FBXL4: variants seen among roughly 807,000 people sequenced by gnomAD.
FBXL4 encodes F-box/LRR-repeat protein 4.
FBXL4 carries 40 observed loss-of-function variants against 58.9 expected under a neutral mutation model. That is an observed-to-expected ratio of 0.68 (90% CI 0.53 to 0.88). The LOEUF is 0.88. Among genes scored for constraint, FBXL4 ranks in the 40% least tolerant of loss-of-function variants. FBXL4 has a pLI of 0.00. For synonymous variants in FBXL4, 263 were observed against 265.5 expected (o/e 0.99, Z 0.09); for missense variants, 676 against 734.4 (o/e 0.92, Z 0.92).
intron 7 of FBXL4, among the ~76,000 whole-genome samples, chr6:98,892,565 G>A (rs749362522): frequency 2.0e-5 from 3 of 152,072 alleles, no homozygotes; most frequent in Admixed American, 6.6e-5. Context: ...AAACAAATTC[G>A]TAGCACTAAA....
At chr6:98,929,725 AT>A (rs1772939298) in intron 2 of FBXL4, among the ~76,000 whole-genome samples, 1 of 152,214 alleles carries the variant, frequency 6.6e-6, no homozygotes, top group Non-Finnish European at 1.5e-5. Flanking sequence ...CAGAGACGTT[AT>A]TTAAAGACAC....
In FBXL4 at chr6:98,872,978, C is replaced by G. The variant is rs1770532700; in HGVS notation, c.*1300G>C. Reference sequence around the variant, plus strand: ...TGCCAGGCACAAAGGAAGCATTCTCCTCATGTGACTACTGAACACTTGACA... The same window carrying G: ...TGCCAGGCACAAAGGAAGCATTCTCGTCATGTGACTACTGAACACTTGACA... On this transcript the variant is annotated 3_prime_UTR_variant, in exon 10 of 10. Coordinates refer to ENST00000369244, the MANE Select transcript of FBXL4 (RefSeq NM_001278716.2). The G allele has an allele frequency of 6.6e-6, 1 of 152,092 alleles. No individual in the cohort carries two copies. 9.4% of individuals were successfully genotyped at this position (152,092 alleles called of 1,614,324 possible). A position where few individuals can be genotyped will look rare whatever the true frequency, so the allele number is the denominator to read the frequency against.
rs566118332 is a variant in FBXL4 at position 98,901,645 on chromosome 6, T to C, written c.1104-2164A>G. The stretch of plus-strand genomic sequence containing the variant: ...TTATTTAATATCCTCATATTATCTC[T>C]ACTTAAATTTTCAAAATGTATACTA... On this transcript the variant is annotated intron_variant, in intron 6 of 9. Coordinates refer to ENST00000369244, the MANE Select transcript of FBXL4 (RefSeq NM_001278716.2). Among the ~76,000 whole-genome samples the C allele has an allele frequency of 1.4e-4, 21 of 152,270 alleles. No homozygotes were observed. In the South Asian group the frequency reaches 3.1e-3, roughly 23 times the overall value.
At chr6:98,883,213 T>C (rs1181795827) in intron 7 of FBXL4, among the ~76,000 whole-genome samples, 1 of 152,060 alleles carries the variant, frequency 6.6e-6, no homozygotes, top group African/African-American at 2.4e-5. Context: ...CATTGGCCAT[T>C]CATATTTCCT....
At chr6:98,916,814 A>G in intron 5 of FBXL4, among the ~76,000 whole-genome samples, 1 of 145,926 alleles carries the variant, frequency 6.9e-6, no homozygotes, top group South Asian at 2.3e-4. Context: ...AACTTAAAGT[A>G]TAATTAAAAA....
chr6:98,947,476 T>C (rs772106360), intron 1 of FBXL4, among the ~76,000 whole-genome samples: 1 of 152,196 alleles, frequency 6.6e-6, no homozygotes. Flanking sequence ...AGCGCGGGTG[T>C]GGGGCGACCC....
At chr6:98,941,046 C>T (rs1773413157) in intron 1 of FBXL4, among the ~76,000 whole-genome samples, 1 of 152,116 alleles carries the variant, frequency 6.6e-6, no homozygotes, top group African/African-American at 2.4e-5. Flanking sequence ...CTTACCAAAC[C>T]ATCCAGCAAT....
At chr6:98,881,882 A>G (rs907432654) in intron 7 of FBXL4, among the ~76,000 whole-genome samples, 1 of 152,034 alleles carries the variant, frequency 6.6e-6, no homozygotes, top group African/African-American at 2.4e-5. Flanking sequence ...GTTCTTCACA[A>G]TACTTAGCCA....
At chr6:98,946,253 C>A (rs1223243707) in intron 1 of FBXL4, among the ~76,000 whole-genome samples, 1 of 152,106 alleles carries the variant, frequency 6.6e-6, no homozygotes, top group Non-Finnish European at 1.5e-5. Flanking sequence ...TAGGACTGAT[C>A]AGCAGGGAAA....
chr6:98,877,223 T>A (rs1471164936), intron 8 of FBXL4, among the ~76,000 whole-genome samples: 1 of 152,126 alleles, frequency 6.6e-6, no homozygotes, highest in Admixed American at 6.6e-5. Context: ...CGGAAGTCTA[T>A]GAGAAACAGG....
intron 8 of FBXL4, among the ~76,000 whole-genome samples, chr6:98,876,178 G>A (rs1378565720): frequency 1.3e-5 from 2 of 152,152 alleles, no homozygotes; most frequent in Admixed American, 6.5e-5. Context: ...ATGTGGAAAT[G>A]CTGATAATAC....
chr6:98,875,630 C>T lies in FBXL4; in HGVS notation c.1487G>A (p.Gly496Glu), dbSNP rs1770633910. Residue 496 changes from glycine to glutamate, a missense_variant, in exon 9 of 10, where the codon GGA becomes GAA. Gly to Glu is a moderately conservative substitution (Grantham distance 98). Transcript: ENST00000369244. Reference protein sequence around the residue: ...LWRCKNITENGIAELASGCPL... With the variant: ...LWRCKNITENEIAELASGCPL... ...ACACCCAGAAGCCAGTTCTGCTATT[C>T]CATTCTCAGTAATATTCTTACATCT... 4 of 1,614,004 alleles carry T rather than the reference C, an allele frequency of 2.5e-6. No individual in the cohort carries two copies. The highest frequency in any genetic ancestry group is 2.5e-6 in the Non-Finnish European group (3 of 1,180,024).
chr6:98,922,354 C>T (rs1300916525), intron 4 of FBXL4, among the ~76,000 whole-genome samples: 2 of 152,194 alleles, frequency 1.3e-5, no homozygotes, highest in African/African-American at 4.8e-5. Flanking sequence ...TAGGAAAAGA[C>T]TGGTTTTAAA....
At chr6:98,921,757 C>T (rs1772591249) in intron 4 of FBXL4, among the ~76,000 whole-genome samples, 1 of 151,992 alleles carries the variant, frequency 6.6e-6, no homozygotes, top group Non-Finnish European at 1.5e-5. Context: ...TCCCTGCTTT[C>T]TTAATTTCAA....
chr6:98,927,278 CTATAT>C (rs1430812630), intron 3 of FBXL4, among the ~76,000 whole-genome samples: 3 of 151,946 alleles, frequency 2.0e-5, no homozygotes, highest in Non-Finnish European at 4.4e-5. Context: ...GGAAGCAAAA[CTATAT>C]TATAAGGCAA....
intron 6 of FBXL4, among the ~76,000 whole-genome samples, chr6:98,900,909 A>AC (rs1771585855): frequency 6.6e-6 from 1 of 151,680 alleles, no homozygotes. Flanking sequence ...ATCTCCTCCA[A>AC]CCCCTCTCAC....
Position 98,917,477 on chromosome 6 carries a change from G to A in FBXL4, c.755C>T (p.Ala252Val), listed in dbSNP as rs750971078. The A allele has an allele frequency of 3.1e-6, 5 of 1,614,020 alleles. No individual in the cohort carries two copies. The highest frequency in any genetic ancestry group is 4.2e-6 in the Non-Finnish European group (5 of 1,179,944). Residue 252 changes from alanine (A) to valine (V), a missense_variant, in exon 5 of 10, where the codon GCA (alanine) becomes GTA (valine). Transcript: ENST00000369244. ...GTCCATTCCACAACCATCCTTTTCT[G>A]CATAGGCATCATCTTCTATATCATT... ...DMNDIEDDAY[A>V]EKDGCGMDSL... is the part of the protein sequence containing the mutation.
chr6:98,905,583 C>A lies in FBXL4; in HGVS notation c.946G>T (p.Asp316Tyr), dbSNP rs754658764. 6.2e-7 allele frequency: 1 copy of A among 1,613,942 alleles called. No individual in the cohort carries two copies. The highest frequency in any genetic ancestry group is 1.1e-5 in the South Asian group (1 of 91,076). Residue 316 changes from aspartate to tyrosine, a missense_variant, in exon 6 of 10, where the codon GAT (aspartate) becomes TAT (tyrosine). By Grantham distance (160) the Asp-to-Tyr change is radical. Transcript: ENST00000369244. ...TCKLLSQHCCDPLQYIHLNLQ... is the reference protein window; with the variant it reads ...TCKLLSQHCCYPLQYIHLNLQ... ...TTGAGGTGGATGTATTGCAGAGGATCACAGCAATGCTGGCTCAGTAGTTTG... is the reference window on the plus strand; with the variant it reads ...TTGAGGTGGATGTATTGCAGAGGATAACAGCAATGCTGGCTCAGTAGTTTG...
At chr6:98,912,744 G>A (rs377475391) in intron 5 of FBXL4, among the ~76,000 whole-genome samples, 7 of 151,932 alleles carry the variant, frequency 4.6e-5, no homozygotes, top group African/African-American at 1.2e-4. Flanking sequence ...AAAGACCATC[G>A]AGAATAGGAA....
Sources: gnomAD v4.1 joint callset for allele counts (sites outside exome capture counted in the v4.1 genomes callset) on GRCh38, gnomAD v4.1.1 for gene constraint, MANE v1.5 for transcripts, NCBI Gene and HGNC (gene_info 2026-07-23, HGNC 2026-07-21) for gene names.